ANO2: variants seen among roughly 807,000 people sequenced by gnomAD.
ANO2 encodes the protein anoctamin-2.
In ANO2, 101 loss-of-function variants were observed where a neutral mutation model predicts 124.2. The observed-to-expected ratio is 0.81, with a 90% CI of 0.69 to 0.96. The LOEUF (loss-of-function observed/expected upper bound fraction) is 0.96. ANO2 is among the 40% of genes least tolerant of loss of function. The probability of loss-of-function intolerance (pLI) is 0.00; values close to 1 mark genes in which losing one functional copy is unlikely to be tolerated. For missense variants in ANO2, 1,293 were observed against 1,274.5 expected (o/e 1.01, Z -0.22); for synonymous variants, 486 against 482.5 (o/e 1.01, Z -0.09).
chr12:5,595,844 C>T (rs912965004), intron 20 of ANO2, among the ~76,000 whole-genome samples: 31 of 152,222 alleles, frequency 2.0e-4, no homozygotes, highest in African/African-American at 6.3e-4. Context: ...AATGGAGTGG[C>T]GTAGGGGGCT....
chr12:5,810,601 G>A (rs1953355608), intron 7 of ANO2, among the ~76,000 whole-genome samples: 1 of 152,126 alleles, frequency 6.6e-6, no homozygotes, highest in Non-Finnish European at 1.5e-5. Context: ...TTCAGGATGG[G>A]AGACAGTGAG....
intron 14 of ANO2, among the ~76,000 whole-genome samples, chr12:5,697,431 C>CA (rs1165310760): frequency 1.3e-5 from 2 of 150,934 alleles, no homozygotes; most frequent in Non-Finnish European, 2.9e-5. Flanking sequence ...GACTCAGTCT[C>CA]AAAAAAAATA....
intron 7 of ANO2, among the ~76,000 whole-genome samples, chr12:5,808,488 G>C (rs2137176381): frequency 6.6e-6 from 1 of 152,190 alleles, no homozygotes; most frequent in Non-Finnish European, 1.5e-5. Flanking sequence ...GTAGTACCAA[G>C]GATCCCGCCA....
chr12:5,574,267 T>G (rs76005531), intron 23 of ANO2, among the ~76,000 whole-genome samples: 2,904 of 152,304 alleles, frequency 0.019, 98 homozygotes, highest in African/African-American at 0.065. Flanking sequence ...TCTCTTCATT[T>G]GCCCTTCTTG....
intron 10 of ANO2, among the ~76,000 whole-genome samples, chr12:5,780,096 A>C (rs1952343366): frequency 1.3e-5 from 2 of 152,244 alleles, no homozygotes; most frequent in Admixed American, 1.3e-4. Context: ...GAAAATACAC[A>C]CATATATTAG....
chr12:5,629,018 C>T (rs1433612277), intron 16 of ANO2, among the ~76,000 whole-genome samples: 3 of 152,210 alleles, frequency 2.0e-5, no homozygotes, highest in African/African-American at 7.2e-5. Flanking sequence ...GGGGCAGTGA[C>T]ACTCAGGAGT....
chr12:5,575,517 A>G (rs1322445481), intron 23 of ANO2, among the ~76,000 whole-genome samples: 3 of 152,172 alleles, frequency 2.0e-5, no homozygotes, highest in African/African-American at 4.8e-5. Context: ...TAGATGCTAT[A>G]TAGCCTACGT....
At chr12:5,677,528 C>A (rs1402399163) in intron 14 of ANO2, among the ~76,000 whole-genome samples, 1 of 152,126 alleles carries the variant, frequency 6.6e-6, no homozygotes, top group Non-Finnish European at 1.5e-5. Flanking sequence ...TCCGCTGAGA[C>A]CTCTGGGTAA....
intron 4 of ANO2, among the ~76,000 whole-genome samples, chr12:5,850,060 C>T (rs1364133900): frequency 6.6e-6 from 1 of 152,224 alleles, no homozygotes; most frequent in Non-Finnish European, 1.5e-5. Context: ...GTTATATCCC[C>T]CCTCATCTGT....
chr12:5,620,539 T>C (rs1468636767), intron 16 of ANO2, among the ~76,000 whole-genome samples: 3 of 152,088 alleles, frequency 2.0e-5, no homozygotes, highest in Non-Finnish European at 4.4e-5. Flanking sequence ...AGGGGCTAAA[T>C]TGGAATTCTA....
At chr12:5,748,037 CATCT>C (rs1322205802) in intron 11 of ANO2, among the ~76,000 whole-genome samples, 30 of 152,088 alleles carry the variant, frequency 2.0e-4, no homozygotes, top group South Asian at 4.2e-4. Flanking sequence ...TGTGTGCAGA[CATCT>C]ATCTGCACGT....
intron 3 of ANO2, among the ~76,000 whole-genome samples, chr12:5,868,878 G>A (rs909751810): frequency 1.1e-4 from 17 of 151,932 alleles, no homozygotes; most frequent in Admixed American, 1.0e-3. Flanking sequence ...AGAGAGGACA[G>A]GGATATAAAT....
intron 19 of ANO2, among the ~76,000 whole-genome samples, chr12:5,606,170 G>C (rs1337074147): frequency 1.3e-5 from 2 of 152,224 alleles, no homozygotes; most frequent in East Asian, 3.9e-4. Context: ...CCTGGACAGA[G>C]AGTGGGGCTT....
At chr12:5,839,417 G>A (rs1269190742) in intron 4 of ANO2, among the ~76,000 whole-genome samples, 2 of 152,172 alleles carry the variant, frequency 1.3e-5, no homozygotes, top group African/African-American at 4.8e-5. Flanking sequence ...AGTGTGCTCA[G>A]ATGACTCGGC....
At chr12:5,933,206 T>A (rs1216829070) in intron 1 of ANO2, among the ~76,000 whole-genome samples, 1 of 152,220 alleles carries the variant, frequency 6.6e-6, no homozygotes, top group Non-Finnish European at 1.5e-5. Flanking sequence ...TGTCATCTCC[T>A]GCTAGTGACT....
intron 3 of ANO2, among the ~76,000 whole-genome samples, chr12:5,873,521 C>T (rs1937875642): frequency 6.6e-6 from 1 of 152,222 alleles, no homozygotes; most frequent in African/African-American, 2.4e-5. Context: ...TGGGGCCCAT[C>T]CAGCAGGCTA....
At chr12:5,675,497 C>G (rs1207098740) in intron 14 of ANO2, among the ~76,000 whole-genome samples, 1 of 152,182 alleles carries the variant, frequency 6.6e-6, no homozygotes. Flanking sequence ...CCAATTGTCA[C>G]CTCCTCCAGA....
At chr12:5,770,556 T>C (rs912869859) in intron 10 of ANO2, among the ~76,000 whole-genome samples, 8 of 152,186 alleles carry the variant, frequency 5.3e-5, no homozygotes, top group Non-Finnish European at 1.2e-4. Flanking sequence ...CAGTAAATCC[T>C]ATAGACGCTA....
intron 16 of ANO2, among the ~76,000 whole-genome samples, chr12:5,621,058 C>T (rs16933667): frequency 0.018 from 2,774 of 152,170 alleles, 66 homozygotes; most frequent in East Asian, 0.11. Flanking sequence ...TTCTGAGGCC[C>T]AGTGGAAGTG....
Sources: allele counts gnomAD v4.1 joint callset (sites outside exome capture counted in the v4.1 genomes callset), GRCh38; gene constraint gnomAD v4.1.1; transcripts MANE v1.5; gene names NCBI Gene and HGNC (gene_info 2026-07-23, HGNC 2026-07-21).